The following ADH6 variants were observed in gnomAD, a reference collection of about 807,000 sequenced individuals.
ADH6 encodes alcohol dehydrogenase 6.
A neutral mutation model predicts 36.5 loss-of-function variants in ADH6; 34 were observed. That is an observed-to-expected ratio of 0.93 (90% CI 0.71 to 1.24). The LOEUF is 1.24. Among genes scored for constraint, ADH6 ranks in the 50% most tolerant of loss-of-function variants. The pLI is 0.00. For synonymous variants in ADH6, 161 were observed against 155.5 expected, an observed-to-expected ratio of 1.04 and a Z score of -0.26; for missense variants, 440 against 447.0, an observed-to-expected ratio of 0.98 and a Z score of 0.14.
At chr4:99,218,874 A>G (rs1579454479) in intron 1 of ADH6, among the ~76,000 whole-genome samples, 1 of 151,860 alleles carries the variant, frequency 6.6e-6, no homozygotes. Flanking sequence ...TCTCTGTGAG[A>G]TCCTTGGAGA....
chr4:99,213,071 T>C (rs1731283313), intron 3 of ADH6, among the ~76,000 whole-genome samples: 1 of 152,156 alleles, frequency 6.6e-6, no homozygotes, highest in Non-Finnish European at 1.5e-5. Flanking sequence ...GATGCATGTA[T>C]AATTTTTTTA....
At chr4:99,211,488 T>C (rs1003522224) in intron 3 of ADH6, among the ~76,000 whole-genome samples, 1 of 152,162 alleles carries the variant, frequency 6.6e-6, no homozygotes, top group African/African-American at 2.4e-5. Context: ...AGTAATGCAA[T>C]GAGTATCTTA....
intron 1 of ADH6, 112 bp downstream of exon 1, chr4:99,219,022 GC>G: frequency 1.0e-6 from 1 of 1,000,256 alleles, no homozygotes; most frequent in Non-Finnish European, 1.6e-6. Flanking sequence ...GATTATGACA[GC>G]CTCTCACCTT....
chr4:99,216,550 A>G (rs894394305), intron 1 of ADH6, among the ~76,000 whole-genome samples: 1 of 152,178 alleles, frequency 6.6e-6, no homozygotes, highest in African/African-American at 2.4e-5. Context: ...TTTAATTAAA[A>G]AAATTGTGCC....
In ADH6 at chr4:99,204,083, G is replaced by T. The variant is rs1156344111; in HGVS notation, c.*136C>A. On this transcript the variant is annotated 3_prime_UTR_variant, in exon 9 of 9. Transcript: ENST00000394899. ...TGGTTAGGTCAGAAGCCAGATATAG[G>T]TCCACTGCGGAGTGAATCAGAAGTC... 1 of 1,042,954 alleles carries T rather than the reference G, an allele frequency of 9.6e-7. No homozygotes were observed. The highest frequency in any genetic ancestry group is 1.4e-6 in the Non-Finnish European group (1 of 733,778). The allele number at this position is 1,042,954 out of a possible 1,614,324, so 64.6% of individuals were successfully genotyped here.
chr4:99,219,085 C>A, intron 1 of ADH6, 50 bp downstream of exon 1: 1 of 1,583,942 alleles, frequency 6.3e-7, no homozygotes, highest in South Asian at 1.1e-5. Context: ...GAGATGAGCA[C>A]ACAAACTGAC....
intron 7 of ADH6, among the ~76,000 whole-genome samples, chr4:99,206,334 A>T (rs1731033184): frequency 1.3e-5 from 2 of 152,124 alleles, no homozygotes; most frequent in African/African-American, 4.8e-5. Flanking sequence ...TACATTAATG[A>T]TCACTATATG....
chr4:99,206,899 G>A (rs1302475036), intron 7 of ADH6, among the ~76,000 whole-genome samples: 1 of 151,930 alleles, frequency 6.6e-6, no homozygotes, highest in African/African-American at 2.4e-5. Flanking sequence ...TCCAGGACAG[G>A]TAAAAAACAG....
At chr4:99,216,621 C>T (rs991074818) in intron 1 of ADH6, among the ~76,000 whole-genome samples, 29 of 151,784 alleles carry the variant, frequency 1.9e-4, no homozygotes, top group African/African-American at 6.3e-4. Context: ...TCGAGGCGGG[C>T]GGATCACAAG....
In ADH6 at chr4:99,219,149, T is replaced by G; in HGVS notation, c.4A>C (p.Ser2Arg). ...ACTGCACCTACTTGGCCTGTAGTAC[T>G]CATGCTGATTTTCTCCACCGCAGAT... is the stretch of plus-strand genomic sequence containing the variant. Reference protein sequence around the residue: MSTTGQVIRCKA... With the variant: MRTTGQVIRCKA... The change falls in exon 1 of 9, where the codon AGT becomes CGT. Residue 2 changes from serine to arginine, a missense_variant. Transcript: ENST00000394899. 1 of 1,611,496 alleles carries G rather than the reference T, an allele frequency of 6.2e-7. No homozygotes were observed.
chr4:99,211,773 G>T (rs190724260), intron 3 of ADH6, among the ~76,000 whole-genome samples: 4 of 152,248 alleles, frequency 2.6e-5, no homozygotes, highest in Non-Finnish European at 2.9e-5. Flanking sequence ...CCTGTGGAAG[G>T]ATTTAGTGGG....
chr4:99,216,718 A>AC (rs1361319464), intron 1 of ADH6, among the ~76,000 whole-genome samples: 1 of 151,658 alleles, frequency 6.6e-6, no homozygotes, highest in Admixed American at 6.6e-5. Flanking sequence ...GGTGGCCTGC[A>AC]CCTGTAATCC....
intron 6 of ADH6, chr4:99,208,375 A>G (rs569531515): frequency 7.4e-5 from 19 of 256,434 alleles, no homozygotes; most frequent in African/African-American, 3.3e-4. Context: ...CAGATCTGAC[A>G]TGAAAGACGA....
At chr4:99,211,290 T>G (rs1731217704) in intron 3 of ADH6, among the ~76,000 whole-genome samples, 1 of 152,162 alleles carries the variant, frequency 6.6e-6, no homozygotes, top group African/African-American at 2.4e-5. Context: ...TTTTCAGCAC[T>G]GTAACCCCTT....
intron 7 of ADH6, among the ~76,000 whole-genome samples, chr4:99,205,833 C>G (rs527903700): frequency 1.3e-5 from 2 of 152,010 alleles, no homozygotes; most frequent in Non-Finnish European, 2.9e-5. Flanking sequence ...GTGTTCTATG[C>G]GGATTATTCT....
chr4:99,213,495 A>G, intron 3 of ADH6, 111 bp downstream of exon 3: 1 of 1,055,920 alleles, frequency 9.5e-7, no homozygotes, highest in Non-Finnish European at 1.3e-6. Context: ...GAAGTTGGAA[A>G]CATTTCACCT....
chr4:99,210,570 G>T, intron 3 of ADH6, 68 bp from the exon 4 acceptor site: 1 of 1,260,358 alleles, frequency 7.9e-7, no homozygotes. Flanking sequence ...TGTCTTTCAG[G>T]ATTTTGACAG....
Position 99,204,058 on chromosome 4 carries a change from T to C in ADH6, c.*161A>G. 1.3e-6 allele frequency: 1 copy of C among 750,636 alleles called. No individual in the cohort carries two copies. The highest frequency in any genetic ancestry group is 2.0e-6 in the Non-Finnish European group (1 of 504,656). 46.5% of individuals were successfully genotyped at this position (750,636 alleles called of 1,614,324 possible). A position where few individuals can be genotyped will look rare whatever the true frequency, so the allele number is the denominator to read the frequency against. On this transcript the variant is annotated 3_prime_UTR_variant, in exon 9 of 9. Coordinates refer to ENST00000394899, the MANE Select transcript of ADH6 (RefSeq NM_001102470.2). The stretch of plus-strand genomic sequence containing the variant: ...TTACGTAAGAACAATTTTGATGAAA[T>C]GGTTAGGTCAGAAGCCAGATATAGG...
chr4:99,217,088 T>C (rs1040788159), intron 1 of ADH6, among the ~76,000 whole-genome samples: 6 of 152,142 alleles, frequency 3.9e-5, no homozygotes, highest in African/African-American at 1.2e-4. Flanking sequence ...CAGGCTGGAG[T>C]GCAGTAGCAC....
Sources: allele counts gnomAD v4.1 joint callset (sites outside exome capture counted in the v4.1 genomes callset), GRCh38; gene constraint gnomAD v4.1.1; transcripts MANE v1.5; gene names NCBI Gene and HGNC (gene_info 2026-07-23, HGNC 2026-07-21).